NRN1: variants seen among roughly 807,000 people sequenced by gnomAD.
NRN1 encodes neuritin 1, also known as neuritin.
In NRN1, 4 loss-of-function variants were observed where a neutral mutation model predicts 15.0. The observed-to-expected ratio is 0.27, with a 90% CI of 0.13 to 0.61. NRN1 has a LOEUF of 0.61. Ranked by LOEUF, NRN1 falls within the 20% of genes least tolerant of loss-of-function variation. The probability of loss-of-function intolerance (pLI) is 0.87; values close to 1 mark genes in which losing one functional copy is unlikely to be tolerated. For synonymous variants in NRN1, 85 were observed against 79.8 expected, an observed-to-expected ratio of 1.07 and a Z score of -0.35; for missense variants, 134 against 181.9, an observed-to-expected ratio of 0.74 and a Z score of 1.51.
At position 5,998,918 on chromosome 6, in the gene NRN1, G is replaced by C; in HGVS notation, c.*58C>G. ...CAAAGAACTAATGGATCTTCCTCTC[G>C]ATTTCCGGGAGCATGGAGTGAGTGT... On this transcript the variant is annotated 3_prime_UTR_variant, in exon 3 of 3. Coordinates refer to ENST00000244766, the MANE Select transcript of NRN1 (RefSeq NM_016588.3). The C allele has an allele frequency of 7.9e-7, 1 of 1,269,342 alleles. No individual in the cohort carries two copies. The allele number at this position is 1,269,342 out of a possible 1,614,324, so 78.6% of individuals were successfully genotyped here.
intron 2 of NRN1, among the ~76,000 whole-genome samples, chr6:6,001,345 T>C (rs1757939822): frequency 6.6e-6 from 1 of 152,080 alleles, no homozygotes; most frequent in Non-Finnish European, 1.5e-5. Context: ...TTTGAAACAG[T>C]TATTTTGGGG....
In NRN1 at chr6:5,999,123, C is replaced by T. The variant is rs910088145; in HGVS notation, c.282G>A (p.Leu94=). The part of the protein sequence containing the change: ...QEGAKDMWDK[L]RKESKNLNIQ... ...TGTTGAGGTTTTTGGATTCTTTTCT[C>T]AGTTTATCCCACATATCTTTCGCCC... is the stretch of plus-strand genomic sequence containing the variant. Residue 94 remains leucine, a synonymous_variant, in exon 3 of 3, where the codon CTG becomes CTA. Transcript: ENST00000244766. 4.3e-6 allele frequency: 7 copies of T among 1,614,182 alleles called. No individual in the cohort carries two copies. Among genetic ancestry groups the T allele is most frequent in the Non-Finnish European group, 5.9e-6 (7 of 1,180,026 alleles).
chr6:5,998,715 T>G lies in NRN1; in HGVS notation c.*261A>C. 2.7e-6 allele frequency: 1 copy of G among 371,112 alleles called. No homozygotes were observed. The highest frequency in any genetic ancestry group is 4.8e-6 in the Non-Finnish European group (1 of 208,308). 23.0% of individuals were successfully genotyped at this position (371,112 alleles called of 1,614,324 possible). A position where few individuals can be genotyped will look rare whatever the true frequency, so the allele number is the denominator to read the frequency against. On this transcript the variant is annotated 3_prime_UTR_variant, in exon 3 of 3. Transcript: ENST00000244766. ...AAATGGGGTGGGTTTGCCGTTTTCT[T>G]ATTTGTGTGTGAAGACGGACTAAAG... is the stretch of plus-strand genomic sequence containing the variant.
chr6:6,004,628 CTG>C (rs1462842657), intron 1 of NRN1, among the ~76,000 whole-genome samples: 1 of 152,218 alleles, frequency 6.6e-6, no homozygotes, highest in Non-Finnish European at 1.5e-5. Flanking sequence ...TCTTTTAAAA[CTG>C]TGACTCCTTG....
At chr6:6,003,693 G>A (rs1025014440) in intron 1 of NRN1, 2 of 1,234,212 alleles carry the variant, frequency 1.6e-6, no homozygotes, top group Non-Finnish European at 2.0e-6. Flanking sequence ...GGGACTGGAA[G>A]GACAGGTACC....
In NRN1 at chr6:5,998,671, TAATA is replaced by T. The variant is rs530790062; in HGVS notation, c.*301_*304del. 7.9e-5 allele frequency: 18 copies of T among 227,738 alleles called. 1 individual carries two copies. In the East Asian group the frequency reaches 1.7e-3, roughly 21 times the overall value. 14.1% of individuals were successfully genotyped at this position (227,738 alleles called of 1,614,324 possible). ...AGATTCTTTTGCCAACAAAAAAAAT[TAATA>T]ATAATAAAATTAAAAAATGGGGTGG... On this transcript the variant is annotated 3_prime_UTR_variant, in exon 3 of 3. Coordinates refer to ENST00000244766, the MANE Select transcript of NRN1 (RefSeq NM_016588.3).
chr6:6,004,442 A>C (rs12194218), intron 1 of NRN1, among the ~76,000 whole-genome samples: 46 of 152,212 alleles, frequency 3.0e-4, no homozygotes, highest in Non-Finnish European at 5.7e-4. Context: ...TACACCCCCA[A>C]AACTCAGTGG....
intron 1 of NRN1, chr6:6,002,963 G>C: frequency 2.5e-6 from 1 of 398,486 alleles, no homozygotes; most frequent in Non-Finnish European, 4.4e-6. Flanking sequence ...TGCAGCGTGC[G>C]GGGGCGAGAA....
At chr6:6,002,838 T>C in intron 1 of NRN1, 1 of 388,144 alleles carries the variant, frequency 2.6e-6, no homozygotes, top group Non-Finnish European at 4.6e-6. Context: ...CCCTCATCCC[T>C]TTTATTTCTC....
intron 2 of NRN1, 80 bp from the exon 3 acceptor site, chr6:5,999,284 T>A: frequency 7.8e-7 from 1 of 1,286,448 alleles, no homozygotes; most frequent in Non-Finnish European, 1.1e-6. Context: ...CCCCTGCGCC[T>A]CCCCGCTGGC....
chr6:6,002,526 A>C (rs1165856672), intron 1 of NRN1, 29 bp from the exon 2 acceptor site: 1 of 1,603,092 alleles, frequency 6.2e-7, no homozygotes, highest in South Asian at 1.1e-5. Flanking sequence ...ACCGGTCAGC[A>C]GCGCCACGAC....
At chr6:6,005,007 C>G (rs1422044984) in intron 1 of NRN1, among the ~76,000 whole-genome samples, 1 of 151,230 alleles carries the variant, frequency 6.6e-6, no homozygotes, top group Non-Finnish European at 1.5e-5. Context: ...GGTTCTGTTG[C>G]AGGAAAGGGC....
At chr6:6,001,744 T>A (rs954975177) in intron 2 of NRN1, among the ~76,000 whole-genome samples, 1 of 152,198 alleles carries the variant, frequency 6.6e-6, no homozygotes, top group Non-Finnish European at 1.5e-5. Flanking sequence ...TAAGATAGCG[T>A]TTCGGCCTGT....
In NRN1 at chr6:5,999,065, C is replaced by T. The variant is rs1206195664; in HGVS notation, c.340G>A (p.Gly114Ser). The T allele has an allele frequency of 4.3e-6, 7 of 1,614,076 alleles. No individual in the cohort carries two copies. The highest frequency in any genetic ancestry group is 1.1e-5 in the South Asian group (1 of 91,088). Reference protein sequence around the residue: ...QGSLFELCGSGNGAAGSLLPA... With the variant: ...QGSLFELCGSSNGAAGSLLPA... ...AGCAGGGACCCCGCCGCCCCGTTGC[C>T]GCTGCCGCAGAGTTCGAATAAGCTG... The change falls in exon 3 of 3, where the codon GGC becomes AGC. Residue 114 changes from glycine (G) to serine (S), a missense_variant. Transcript: ENST00000244766.
In NRN1 at chr6:6,006,879, G is replaced by T; in HGVS notation, c.-130C>A. 1.4e-6 allele frequency: 1 copy of T among 692,786 alleles called. No individual in the cohort carries two copies. The highest frequency in any genetic ancestry group is 2.6e-6 in the Non-Finnish European group (1 of 378,894). The allele number at this position is 692,786 out of a possible 1,614,324, so 42.9% of individuals were successfully genotyped here. A position where few individuals can be genotyped will look rare whatever the true frequency, so the allele number is the denominator to read the frequency against. ...GACAGAGACTTTATGCACTGGGAAG[G>T]CAGAGGGAGGAGAGAAAGAGAGGGA... On this transcript the variant is annotated 5_prime_UTR_variant, in exon 1 of 3. Transcript: ENST00000244766.
chr6:6,002,305 A>G (rs940365076), intron 2 of NRN1, 48 bp downstream of exon 2: 1 of 1,603,926 alleles, frequency 6.2e-7, no homozygotes. Flanking sequence ...CTCCGACCTC[A>G]GTAGCGCCCC....
intron 2 of NRN1, 60 bp downstream of exon 2, chr6:6,002,293 C>T (rs1210184434): frequency 1.9e-6 from 3 of 1,588,986 alleles, no homozygotes; most frequent in East Asian, 2.2e-5. Context: ...AGGCTCGGCA[C>T]TCTCCGACCT....
intron 2 of NRN1, among the ~76,000 whole-genome samples, chr6:6,002,136 C>G (rs1757965164): frequency 6.6e-6 from 1 of 152,260 alleles, no homozygotes; most frequent in Non-Finnish European, 1.5e-5. Flanking sequence ...GGATCCTCCT[C>G]CATATCCCAC....
chr6:5,999,131 C>T lies in NRN1; in HGVS notation c.274G>A (p.Asp92Asn), dbSNP rs1364525891. 6.2e-7 allele frequency: 1 copy of T among 1,614,198 alleles called. No individual in the cohort carries two copies. The highest frequency in any genetic ancestry group is 2.2e-5 in the East Asian group (1 of 44,880). The stretch of plus-strand genomic sequence containing the variant: ...TTTTTGGATTCTTTTCTCAGTTTAT[C>T]CCACATATCTTTCGCCCCTTCCTGG... ...DCQEGAKDMW[D>N]KLRKESKNLN... Residue 92 changes from aspartate to asparagine, a missense_variant, in exon 3 of 3, where the codon GAT (aspartate) becomes AAT (asparagine). Asp to Asn is a conservative substitution (Grantham distance 23). Transcript: ENST00000244766.
Sources: allele counts gnomAD v4.1 joint callset (sites outside exome capture counted in the v4.1 genomes callset), GRCh38; gene constraint gnomAD v4.1.1; transcripts MANE v1.5; gene names NCBI Gene and HGNC (gene_info 2026-07-23, HGNC 2026-07-21).